The following DOK6 variants were observed in gnomAD, a reference collection of about 807,000 sequenced individuals.
The protein encoded by DOK6 is downstream of tyrosine kinase 6.
A neutral mutation model predicts 44.0 loss-of-function variants in DOK6; 22 were observed. The ratio of observed to expected loss-of-function variants is 0.50; its 90% CI spans 0.36 to 0.71. The LOEUF is 0.71. Among genes scored for constraint, DOK6 ranks in the 30% least tolerant of loss-of-function variants. The probability of loss-of-function intolerance (pLI) is 0.00; values close to 1 mark genes in which losing one functional copy is unlikely to be tolerated. For synonymous variants in DOK6, 166 were observed against 145.5 expected (o/e 1.14, Z -1.01); for missense variants, 340 against 416.4 (o/e 0.82, Z 1.60).
intron 1 of DOK6, among the ~76,000 whole-genome samples, chr18:69,414,336 T>G (rs977420750): frequency 6.6e-6 from 1 of 152,036 alleles, no homozygotes; most frequent in East Asian, 1.9e-4. Context: ...ATAAACCAGA[T>G]GTCCATCATT....
chr18:69,413,077 G>A (rs1043513365), intron 1 of DOK6, among the ~76,000 whole-genome samples: 3 of 152,060 alleles, frequency 2.0e-5, no homozygotes, highest in African/African-American at 7.2e-5. Flanking sequence ...TGGTTGCTTA[G>A]TCTTGAACCT....
intron 1 of DOK6, among the ~76,000 whole-genome samples, chr18:69,409,961 A>G (rs1289353347): frequency 1.3e-5 from 2 of 152,142 alleles, no homozygotes; most frequent in African/African-American, 4.8e-5. Context: ...CATCCATGTC[A>G]TTTTACTCTT....
At chr18:69,578,037 C>T (rs958266623) in intron 2 of DOK6, among the ~76,000 whole-genome samples, 1 of 151,848 alleles carries the variant, frequency 6.6e-6, no homozygotes. Flanking sequence ...CAAACCTGCA[C>T]GTTCTGCACC....
At chr18:69,492,586 A>G (rs896654885) in intron 1 of DOK6, among the ~76,000 whole-genome samples, 2 of 151,976 alleles carry the variant, frequency 1.3e-5, no homozygotes, top group East Asian at 1.9e-4. Flanking sequence ...TCCATCCTCA[A>G]CATAGGCCCT....
intron 5 of DOK6, among the ~76,000 whole-genome samples, chr18:69,730,069 A>G (rs1415948015): frequency 2.0e-5 from 3 of 152,206 alleles, no homozygotes; most frequent in African/African-American, 7.2e-5. Context: ...AAGATACACT[A>G]CATAAGAGAT....
At chr18:69,530,717 G>T (rs1233211282) in intron 1 of DOK6, among the ~76,000 whole-genome samples, 1 of 152,152 alleles carries the variant, frequency 6.6e-6, no homozygotes, top group African/African-American at 2.4e-5. Flanking sequence ...GTGCGATGTG[G>T]TGCTGAGAAG....
chr18:69,741,430 A>T (rs1978794691), intron 6 of DOK6, among the ~76,000 whole-genome samples: 1 of 152,156 alleles, frequency 6.6e-6, no homozygotes, highest in African/African-American at 2.4e-5. Context: ...CTACAACCAA[A>T]AGCAAAGTTT....
At position 69,846,611 on chromosome 18, in the gene DOK6, A is replaced by T. The variant is rs1425308758; in HGVS notation, c.*5228A>T. 1.3e-5 allele frequency: 2 copies of T among 152,210 alleles called. No homozygotes were observed. Among genetic ancestry groups the T allele is most frequent in the Non-Finnish European group, 2.9e-5 (2 of 68,034 alleles). 9.4% of individuals were successfully genotyped at this position (152,210 alleles called of 1,614,324 possible). ...CATATATTGTCATCCAGTTCTTTGA[A>T]ATTCAATCTTATCCTAAAGTGGTAG... On this transcript the variant is annotated 3_prime_UTR_variant, in exon 8 of 8. Transcript: ENST00000382713.
intron 1 of DOK6, among the ~76,000 whole-genome samples, chr18:69,486,578 C>G (rs144872363): frequency 1.7e-3 from 262 of 152,258 alleles, no homozygotes; most frequent in African/African-American, 5.8e-3. Flanking sequence ...AAATTTAGTG[C>G]TTTTGATCAA....
intron 7 of DOK6, among the ~76,000 whole-genome samples, chr18:69,788,895 G>A (rs1165679106): frequency 2.0e-5 from 3 of 152,042 alleles, no homozygotes; most frequent in Admixed American, 6.6e-5. Flanking sequence ...ATGTTTTCCC[G>A]TAAATAACCA....
At chr18:69,513,803 GTTATAAAACTGCAACATTATAAT>G (rs1234432535) in intron 1 of DOK6, among the ~76,000 whole-genome samples, 2 of 152,042 alleles carry the variant, frequency 1.3e-5, no homozygotes, top group African/African-American at 4.8e-5. Context: ...GCTTCTTGGT[GTTATAAAACTGCAACATTATAAT>G]TTTATCAAAG....
At chr18:69,606,006 T>G (rs1317267081) in intron 3 of DOK6, among the ~76,000 whole-genome samples, 1 of 152,146 alleles carries the variant, frequency 6.6e-6, no homozygotes, top group Non-Finnish European at 1.5e-5. Flanking sequence ...GTGCGGTGGC[T>G]CACACCTATA....
intron 1 of DOK6, among the ~76,000 whole-genome samples, chr18:69,552,837 T>C (rs528333483): frequency 1.3e-5 from 2 of 152,362 alleles, no homozygotes; most frequent in African/African-American, 4.8e-5. Context: ...GAATGAATTA[T>C]GAAAGTGGAA....
At chr18:69,442,699 T>C (rs539694022) in intron 1 of DOK6, among the ~76,000 whole-genome samples, 1 of 152,336 alleles carries the variant, frequency 6.6e-6, no homozygotes, top group East Asian at 1.9e-4. Context: ...ACTTTACACA[T>C]GTTGCTTATT....
At chr18:69,655,763 A>G (rs1985347949) in intron 3 of DOK6, among the ~76,000 whole-genome samples, 1 of 12,164 alleles carries the variant, frequency 8.2e-5, no homozygotes, top group Non-Finnish European at 5.0e-4. Flanking sequence ...CCACCCCTCA[A>G]AAAAAAAAAA....
At chr18:69,696,902 G>A (rs550400438) in intron 4 of DOK6, among the ~76,000 whole-genome samples, 1 of 152,314 alleles carries the variant, frequency 6.6e-6, no homozygotes, top group South Asian at 2.1e-4. Context: ...GATAATTAAT[G>A]AGGCAATGTT....
chr18:69,516,682 C>CTT (rs34710946), intron 1 of DOK6, among the ~76,000 whole-genome samples: 14 of 149,642 alleles, frequency 9.4e-5, no homozygotes, highest in East Asian at 3.9e-4. Context: ...AAGTACTATA[C>CTT]TTTTTTTTTT....
At chr18:69,827,069 A>G (rs746528404) in intron 7 of DOK6, among the ~76,000 whole-genome samples, 20 of 152,172 alleles carry the variant, frequency 1.3e-4, no homozygotes, top group Non-Finnish European at 2.2e-4. Flanking sequence ...TACTCATCAG[A>G]TATAGTATAG....
At chr18:69,740,816 C>T (rs1159050557) in intron 6 of DOK6, among the ~76,000 whole-genome samples, 3 of 152,196 alleles carry the variant, frequency 2.0e-5, no homozygotes, top group Admixed American at 1.3e-4. Context: ...TTATGGATGA[C>T]GGTGATGTCG....
Sources: allele counts gnomAD v4.1 joint callset (sites outside exome capture counted in the v4.1 genomes callset), GRCh38; gene constraint gnomAD v4.1.1; transcripts MANE v1.5; gene names NCBI Gene and HGNC (gene_info 2026-07-23, HGNC 2026-07-21).